The following ASAP2 variants were observed in gnomAD, a reference collection of about 807,000 sequenced individuals.
ASAP2 encodes the protein ArfGAP with SH3 domain, ankyrin repeat and PH domain 2.
A neutral mutation model predicts 131.4 loss-of-function variants in ASAP2; 45 were observed. That is an observed-to-expected ratio of 0.34 (90% CI 0.27 to 0.44). The LOEUF (loss-of-function observed/expected upper bound fraction) is 0.44. Ranked by LOEUF, ASAP2 falls within the 20% of genes least tolerant of loss-of-function variation. The pLI is 1.00. For synonymous variants in ASAP2, 510 were observed against 503.0 expected (o/e 1.01, Z -0.19); for missense variants, 1,011 against 1,297.0 (o/e 0.78, Z 3.39).
At chr2:9,236,509 T>G (rs1022742811) in intron 1 of ASAP2, among the ~76,000 whole-genome samples, 10 of 152,250 alleles carry the variant, frequency 6.6e-5, no homozygotes, top group Admixed American at 2.0e-4. Context: ...AAATTAAAAT[T>G]GTCTCTGTAC....
At chr2:9,358,028 TGTTA>T (rs1558363722) in intron 14 of ASAP2, among the ~76,000 whole-genome samples, 1 of 152,198 alleles carries the variant, frequency 6.6e-6, no homozygotes, top group Non-Finnish European at 1.5e-5. Context: ...TGGTAGGTCA[TGTTA>T]GTGAGTAGCC....
chr2:9,237,981 T>A (rs767502648), intron 1 of ASAP2, among the ~76,000 whole-genome samples: 2 of 152,196 alleles, frequency 1.3e-5, no homozygotes, highest in Non-Finnish European at 2.9e-5. Flanking sequence ...GTGGCTCCAG[T>A]GTGTGGATCC....
At chr2:9,351,114 G>A (rs1177821083) in intron 12 of ASAP2, among the ~76,000 whole-genome samples, 1 of 152,194 alleles carries the variant, frequency 6.6e-6, no homozygotes, top group African/African-American at 2.4e-5. Context: ...TGCTCCTTGG[G>A]GGCACTGTAG....
chr2:9,279,360 C>T lies in ASAP2; in HGVS notation c.170C>T (p.Ser57Phe). 2 of 1,614,160 alleles carry T rather than the reference C, an allele frequency of 1.2e-6. No homozygotes were observed. The highest frequency in any genetic ancestry group is 1.7e-6 in the Non-Finnish European group (2 of 1,180,022). The change falls in exon 2 of 28, where the codon TCC (serine) becomes TTC (phenylalanine). Residue 57 changes from serine to phenylalanine, a missense_variant. Transcript: ENST00000281419. The stretch of plus-strand genomic sequence containing the variant: ...ATGGTTCTTTACAAAATGAAGAAAT[C>T]CGTGAAAGCAATCAACAGCTCTGGG... Reference protein sequence around the residue: ...DRMVLYKMKKSVKAINSSGLA... With the variant: ...DRMVLYKMKKFVKAINSSGLA...
intron 24 of ASAP2, among the ~76,000 whole-genome samples, 161 bp downstream of exon 24, chr2:9,393,808 G>T (rs1675911285): frequency 6.6e-6 from 1 of 152,200 alleles, no homozygotes; most frequent in East Asian, 1.9e-4. Context: ...ATAACTGGAG[G>T]ATTTTTAGAC....
intron 25 of ASAP2, 111 bp from the exon 26 acceptor site, chr2:9,400,631 G>A (rs1270696115): frequency 1.4e-5 from 14 of 971,800 alleles, no homozygotes; most frequent in Non-Finnish European, 2.0e-5. Flanking sequence ...TCAACAGATC[G>A]GAACACCTGG....
rs1676986161 is a variant in ASAP2, at chr2:9,404,150, G to A, written c.*823G>A. ...TTCCTGAGTCACACAGAAAGCAACT[G>A]TACACAGTAGAATTCTGTGGCGCAG... On this transcript the variant is annotated 3_prime_UTR_variant, in exon 28 of 28. Transcript: ENST00000281419. 2 of 152,236 alleles carry A rather than the reference G, an allele frequency of 1.3e-5. No individual in the cohort carries two copies. 9.4% of individuals were successfully genotyped at this position (152,236 alleles called of 1,614,324 possible).
Position 9,404,002 on chromosome 2 carries a change from G to A in ASAP2, c.*675G>A, listed in dbSNP as rs1676972343. On this transcript the variant is annotated 3_prime_UTR_variant, in exon 28 of 28. Transcript: ENST00000281419. The stretch of plus-strand genomic sequence containing the variant: ...ACGTAGGGTAACTACAGTTCATTCT[G>A]TTCCAGGTTATATAAAACTGCATTT... 1 of 152,186 alleles carries A rather than the reference G, an allele frequency of 6.6e-6. No individual in the cohort carries two copies. Among genetic ancestry groups the A allele is most frequent in the South Asian group, 2.1e-4 (1 of 4,828 alleles). The allele number at this position is 152,186 out of a possible 1,614,324, so 9.4% of individuals were successfully genotyped here.
At chr2:9,263,534 A>G (rs1169522853) in intron 1 of ASAP2, among the ~76,000 whole-genome samples, 1 of 152,174 alleles carries the variant, frequency 6.6e-6, no homozygotes, top group Non-Finnish European at 1.5e-5. Flanking sequence ...TTTTGACAGA[A>G]TTGGAGTTTA....
chr2:9,254,527 A>ATTTTTTTTTTTTTTTTTT lies in ASAP2; in HGVS notation c.127-24781_127-24764dup, dbSNP rs546862626. Among the ~76,000 whole-genome samples, 2 of 28,028 alleles carry ATTTTTTTTTTTTTTTTTT rather than the reference A, an allele frequency of 7.1e-5. 1 individual carries two copies. Among genetic ancestry groups the ATTTTTTTTTTTTTTTTTT allele is most frequent in the Non-Finnish European group, 1.6e-4 (2 of 12,494 alleles). The allele number at this position is 28,028 out of a possible 152,430, so 18.4% of individuals were successfully genotyped here. A position where few individuals can be genotyped will look rare whatever the true frequency, so the allele number is the denominator to read the frequency against. On this transcript the variant is annotated intron_variant, in intron 1 of 27. Coordinates refer to ENST00000281419, the MANE Select transcript of ASAP2 (RefSeq NM_003887.3). ...ACCACTACCCCCAGCTAATTTTTGG[A>ATTTTTTTTTTTTTTTTTT]TTTTTTTTTTTTTTTTTTTTTTTTT...
chr2:9,290,736 G>A (rs537127486), intron 2 of ASAP2, among the ~76,000 whole-genome samples: 1 of 152,180 alleles, frequency 6.6e-6, no homozygotes, highest in African/African-American at 2.4e-5. Flanking sequence ...TCAGGTGAGC[G>A]CTGGGTCTGA....
chr2:9,275,589 C>T (rs1435212651), intron 1 of ASAP2, among the ~76,000 whole-genome samples: 3 of 152,184 alleles, frequency 2.0e-5, no homozygotes, highest in Admixed American at 6.5e-5. Context: ...CTTTGCGTAG[C>T]CTCTCCCTGA....
chr2:9,313,930 C>G (rs549162858), intron 3 of ASAP2, among the ~76,000 whole-genome samples: 1 of 152,254 alleles, frequency 6.6e-6, no homozygotes, highest in South Asian at 2.1e-4. Context: ...TGTGTATGTA[C>G]ATAATTCTTC....
At chr2:9,305,430 CTGT>C (rs1239662388) in intron 3 of ASAP2, among the ~76,000 whole-genome samples, 2 of 142,806 alleles carry the variant, frequency 1.4e-5, no homozygotes, top group Admixed American at 7.0e-5. Context: ...GGTGGAGAGG[CTGT>C]AGTAGTGGGG....
chr2:9,342,599 A>G (rs1380931005), intron 9 of ASAP2, among the ~76,000 whole-genome samples: 1 of 152,260 alleles, frequency 6.6e-6, no homozygotes, highest in Admixed American at 6.5e-5. Flanking sequence ...GGATTAGGCA[A>G]TAGTTTCTTA....
intron 1 of ASAP2, among the ~76,000 whole-genome samples, chr2:9,222,972 C>T (rs182725961): frequency 2.6e-5 from 4 of 152,258 alleles, no homozygotes; most frequent in Non-Finnish European, 5.9e-5. Context: ...TTTCCAGACC[C>T]TCCAAGGCCT....
At chr2:9,365,448 T>G (rs1673397601) in intron 15 of ASAP2, among the ~76,000 whole-genome samples, 1 of 152,180 alleles carries the variant, frequency 6.6e-6, no homozygotes, top group African/African-American at 2.4e-5. Flanking sequence ...TTGTTGTCCT[T>G]CCTCATGGAG....
chr2:9,401,449 C>A, intron 27 of ASAP2, 53 bp downstream of exon 27: 1 of 1,595,214 alleles, frequency 6.3e-7, no homozygotes, highest in Non-Finnish European at 8.5e-7. Flanking sequence ...ACGTCCCTGC[C>A]CACCTGGCTG....
intron 1 of ASAP2, among the ~76,000 whole-genome samples, chr2:9,274,972 G>A (rs1666652699): frequency 6.6e-6 from 1 of 152,130 alleles, no homozygotes; most frequent in Non-Finnish European, 1.5e-5. Context: ...AATATGGGAG[G>A]AAATTTGTCA....
Sources: gnomAD v4.1 joint callset for allele counts (sites outside exome capture counted in the v4.1 genomes callset) on GRCh38, gnomAD v4.1.1 for gene constraint, MANE v1.5 for transcripts, NCBI Gene and HGNC (gene_info 2026-07-23, HGNC 2026-07-21) for gene names.